Variants in RELN observed in about 807,000 individuals in gnomAD.
RELN encodes reelin.
RELN carries 108 observed loss-of-function variants against 427.6 expected under a neutral mutation model. The ratio of observed to expected loss-of-function variants is 0.25; its 90% CI spans 0.22 to 0.30. The LOEUF (loss-of-function observed/expected upper bound fraction) is 0.30. Among genes scored for constraint, RELN ranks in the 10% least tolerant of loss-of-function variants. The pLI, the probability that RELN is intolerant of heterozygous loss-of-function variation, is 1.00. For missense variants in RELN, 3,715 were observed against 4,302.8 expected (o/e 0.86, Z 3.82); for synonymous variants, 1,524 against 1,513.4 (o/e 1.01, Z -0.16).
intron 51 of RELN, among the ~76,000 whole-genome samples, chr7:103,506,995 T>A (rs1182627965): frequency 1.3e-5 from 2 of 152,208 alleles, no homozygotes; most frequent in African/African-American, 4.8e-5. Context: ...CTGTTCTAAA[T>A]ATATATGCAC....
In RELN at chr7:103,989,347, T is replaced by G. The variant is rs1797174926; in HGVS notation, c.10A>C (p.Ser4Arg). The G allele has an allele frequency of 6.8e-7, 1 of 1,462,952 alleles. No homozygotes were observed. Among genetic ancestry groups the G allele is most frequent in the South Asian group, 1.4e-5 (1 of 72,240 alleles). 90.6% of individuals were successfully genotyped at this position (1,462,952 alleles called of 1,614,324 possible). ...AGGAAAGTCTGCCGGGCCCAGCCACTGCGCTCCATGCCGCCGCCGCCGCCG... is the reference window on the plus strand; with the variant it reads ...AGGAAAGTCTGCCGGGCCCAGCCACGGCGCTCCATGCCGCCGCCGCCGCCG... Reference protein sequence around the residue: MERSGWARQTFLLA... With the variant: MERRGWARQTFLLA... Residue 4 changes from serine to arginine, a missense_variant, in exon 1 of 65, where the codon AGT (serine) becomes CGT (arginine). Coordinates refer to ENST00000428762, the MANE Select transcript of RELN (RefSeq NM_005045.4). The surrounding 1 kb of genome is among the most constrained non-coding windows in gnomAD (Gnocchi z 4.9).
chr7:103,474,393 G>T (rs941090915), intron 64 of RELN, among the ~76,000 whole-genome samples: 5 of 151,936 alleles, frequency 3.3e-5, no homozygotes, highest in Admixed American at 1.3e-4. Flanking sequence ...TGGAAACAAA[G>T]AATATATCCT....
intron 2 of RELN, among the ~76,000 whole-genome samples, chr7:103,914,150 C>T (rs1584362017): frequency 1.3e-5 from 2 of 152,294 alleles, no homozygotes; most frequent in Middle Eastern, 3.4e-3. Flanking sequence ...AAGACCAGGT[C>T]TCTTAAATAA....
At chr7:103,610,835 C>T (rs995074807) in intron 21 of RELN, 28 bp from the exon 22 acceptor site, 1 of 1,331,796 alleles carries the variant, frequency 7.5e-7, no homozygotes, top group Non-Finnish European at 1.1e-6. Context: ...ACAAATCAAA[C>T]CCAGCTTCTG....
At chr7:103,769,593 G>A (rs558648596) in intron 4 of RELN, among the ~76,000 whole-genome samples, 2 of 152,188 alleles carry the variant, frequency 1.3e-5, no homozygotes, top group South Asian at 2.1e-4. Context: ...CAAAGCCCTC[G>A]TGAAGCCTAA....
chr7:103,803,320 G>C (rs1250961279), intron 3 of RELN, among the ~76,000 whole-genome samples: 1 of 152,044 alleles, frequency 6.6e-6, no homozygotes, highest in Non-Finnish European at 1.5e-5. Context: ...TATATATTTA[G>C]TAATTTTAAA....
chr7:103,936,712 G>A (rs978459285), intron 1 of RELN, among the ~76,000 whole-genome samples: 28 of 139,802 alleles, frequency 2.0e-4, no homozygotes, highest in Non-Finnish European at 3.4e-4. Context: ...AAATTCCTAC[G>A]CACACACACA....
chr7:103,773,191 C>CTTCTTTCT (rs1791631529), intron 4 of RELN, among the ~76,000 whole-genome samples: 1 of 117,864 alleles, frequency 8.5e-6, no homozygotes, highest in Non-Finnish European at 1.7e-5. Context: ...TCTTTCTTTT[C>CTTCTTTCT]TTTCTTTCTC....
chr7:103,503,367 T>G, intron 51 of RELN, 137 bp from the exon 52 acceptor site: 1 of 778,072 alleles, frequency 1.3e-6, no homozygotes, highest in Non-Finnish European at 2.2e-6. Flanking sequence ...GATTCATTAT[T>G]TGTTCTGCTA....
chr7:103,473,174 T>C (rs1827915457), intron 64 of RELN, among the ~76,000 whole-genome samples: 1 of 152,216 alleles, frequency 6.6e-6, no homozygotes, highest in Non-Finnish European at 1.5e-5. Context: ...ATTCTCTTGA[T>C]TCATAGCAAA....
intron 1 of RELN, among the ~76,000 whole-genome samples, chr7:103,918,590 A>G (rs1394990361): frequency 6.6e-6 from 1 of 152,210 alleles, no homozygotes; most frequent in East Asian, 1.9e-4. Context: ...GTTCACTGAT[A>G]TATCTCGAGT....
chr7:103,527,818 G>A (rs898574012), intron 46 of RELN, among the ~76,000 whole-genome samples: 1 of 152,174 alleles, frequency 6.6e-6, no homozygotes, highest in African/African-American at 2.4e-5. Flanking sequence ...AATAAGCACA[G>A]GATAAGAAGC....
At chr7:103,900,878 C>T (rs1055412490) in intron 2 of RELN, among the ~76,000 whole-genome samples, 2 of 151,890 alleles carry the variant, frequency 1.3e-5, no homozygotes, top group East Asian at 3.9e-4. Context: ...AGAAATAGGA[C>T]CATAAAAATC....
At position 103,773,374 on chromosome 7, in the gene RELN, CCTCCCTCCCTCCCTCG is replaced by C. The variant is rs1791648105; in HGVS notation, c.544+3167_544+3182del. 4.4e-4 allele frequency among the ~76,000 whole-genome samples: 6 copies of C among 13,754 alleles called. 2 individuals are homozygous for C. The highest frequency in any genetic ancestry group is 6.8e-4 in the Non-Finnish European group (6 of 8,760). The allele number at this position is 13,754 out of a possible 152,430, so 9.0% of individuals were successfully genotyped here. A position where few individuals can be genotyped will look rare whatever the true frequency, so the allele number is the denominator to read the frequency against. On this transcript the variant is annotated intron_variant, in intron 4 of 64. Transcript: ENST00000428762. ...CTCTCTCCCTCTCTCTCTCTCCCTC[CCTCCCTCCCTCCCTCG>C]CTCCCTCCCTGTCTCTCTCTCTCTC...
intron 3 of RELN, among the ~76,000 whole-genome samples, chr7:103,818,852 C>A (rs1005763039): frequency 6.6e-6 from 1 of 150,872 alleles, no homozygotes; most frequent in Non-Finnish European, 1.5e-5. Flanking sequence ...TATAATAGAA[C>A]CCCAAGTTTG....
At position 103,635,329 on chromosome 7, in the gene RELN, T is replaced by A. The variant is rs758017876; in HGVS notation, c.2465+96A>T. Reference sequence around the variant, plus strand: ...AATCTTTGTGCGCTCCATCTGTCAATGGAAAAATATCTAGAATTTTATACC... The same window carrying A: ...AATCTTTGTGCGCTCCATCTGTCAAAGGAAAAATATCTAGAATTTTATACC... On this transcript the variant is annotated intron_variant, in intron 19 of 64. Transcript: ENST00000428762. The A allele has an allele frequency of 3.6e-6, 5 of 1,398,604 alleles. No homozygotes were observed. The African/African-American group carries it at 4.3e-5, about 12-fold the overall frequency. 86.6% of individuals were successfully genotyped at this position (1,398,604 alleles called of 1,614,324 possible). A position where few individuals can be genotyped will look rare whatever the true frequency, so the allele number is the denominator to read the frequency against.
intron 20 of RELN, among the ~76,000 whole-genome samples, chr7:103,624,581 C>T (rs1195082874): frequency 6.6e-6 from 1 of 152,140 alleles, no homozygotes; most frequent in Non-Finnish European, 1.5e-5. Flanking sequence ...CGTCCGCCAC[C>T]AGGCCCTGCT....
Position 103,535,301 on chromosome 7 carries a change from T to C in RELN, c.7349+15A>G. 1 of 1,613,302 alleles carries C rather than the reference T, an allele frequency of 6.2e-7. No homozygotes were observed. Among genetic ancestry groups the C allele is most frequent in the East Asian group, 2.2e-5 (1 of 44,876 alleles). On this transcript the variant is annotated intron_variant, in intron 46 of 64. Transcript: ENST00000428762. ...TACGTAGAAGCATGTGGTGAACATG[T>C]AGAAGCATTCTTACCTGGTATAAGG...
At chr7:103,724,184 GTTGTT>G (rs1425533916) in intron 7 of RELN, among the ~76,000 whole-genome samples, 2 of 150,618 alleles carry the variant, frequency 1.3e-5, no homozygotes, top group African/African-American at 4.9e-5. Flanking sequence ...TTTTTTTTTC[GTTGTT>G]TTGTTTTTTT....
Sources: allele counts gnomAD v4.1 joint callset (sites outside exome capture counted in the v4.1 genomes callset), GRCh38; gene constraint gnomAD v4.1.1; non-coding constraint Gnocchi (gnomAD v3.1); transcripts MANE v1.5; gene names NCBI Gene and HGNC (gene_info 2026-07-23, HGNC 2026-07-21).